C8A: variants seen among roughly 807,000 people sequenced by gnomAD.
C8A encodes the protein complement C8 alpha chain.
Under a neutral mutation model 65.3 loss-of-function variants are expected in C8A, and 67 were observed. The ratio of observed to expected loss-of-function variants is 1.03; its 90% CI spans 0.84 to 1.26. The LOEUF (loss-of-function observed/expected upper bound fraction) is 1.26. C8A is among the 50% of genes most tolerant of loss of function. The pLI is 0.00. For missense variants in C8A, 781 were observed against 723.9 expected, an observed-to-expected ratio of 1.08 and a Z score of -0.90; for synonymous variants, 290 against 259.4, an observed-to-expected ratio of 1.12 and a Z score of -1.13.
Position 56,907,984 on chromosome 1 carries a change from A to C in C8A, c.1251A>C (p.Glu417Asp). 1 of 1,614,190 alleles carries C rather than the reference A, an allele frequency of 6.2e-7. No homozygotes were observed. The highest frequency in any genetic ancestry group is 8.5e-7 in the Non-Finnish European group (1 of 1,180,010). Residue 417 changes from glutamate (E) to aspartate (D), a missense_variant, in exon 9 of 11, where the codon GAA becomes GAC. Glu to Asp is a conservative substitution (Grantham distance 45). Coordinates refer to ENST00000361249, the MANE Select transcript of C8A (RefSeq NM_000562.3). The stretch of plus-strand genomic sequence containing the variant: ...GGGCCAGGAAGGCCATGGCTGTGGA[A>C]GACATTATTTCTCGGGTGCGAGGTG... Reference protein sequence around the residue: ...TERARKAMAVEDIISRVRGGS... With the variant: ...TERARKAMAVDDIISRVRGGS...
At chr1:56,871,760 A>C (rs1644148900) in intron 2 of C8A, among the ~76,000 whole-genome samples, 1 of 152,202 alleles carries the variant, frequency 6.6e-6, no homozygotes, top group African/African-American at 2.4e-5. Context: ...ACCATTATCA[A>C]GTTGGTAGGT....
In C8A at chr1:56,883,721, A is replaced by G. The variant is rs376954793; in HGVS notation, c.855+40A>G. The G allele has an allele frequency of 1.2e-4, 178 of 1,521,740 alleles. No individual in the cohort carries two copies. In the African/African-American group the frequency reaches 2.2e-3, roughly 18 times the overall value. The allele number at this position is 1,521,740 out of a possible 1,614,324, so 94.3% of individuals were successfully genotyped here. On this transcript the variant is annotated intron_variant, in intron 6 of 10. Coordinates refer to ENST00000361249, the MANE Select transcript of C8A (RefSeq NM_000562.3). ...TGTCTGTGTCTCACAGTATTCCATA[A>G]TATACACTGAACACGTATTACCTTA...
At chr1:56,895,471 A>G (rs1157585554) in intron 7 of C8A, among the ~76,000 whole-genome samples, 1 of 152,190 alleles carries the variant, frequency 6.6e-6, no homozygotes, top group Non-Finnish European at 1.5e-5. Context: ...CTGTAATGTT[A>G]AGCAAGGTGC....
At chr1:56,867,549 T>C (rs1220239675) in intron 1 of C8A, 60 bp from the exon 2 acceptor site, 4 of 1,216,388 alleles carry the variant, frequency 3.3e-6, no homozygotes, top group Admixed American at 3.4e-5. Context: ...TGTGCACAGC[T>C]TTCTCATTTG....
intron 1 of C8A, among the ~76,000 whole-genome samples, chr1:56,866,370 A>C (rs2101197593): frequency 6.6e-6 from 1 of 152,324 alleles, no homozygotes; most frequent in African/African-American, 2.4e-5. Flanking sequence ...AATTCTGTGA[A>C]TATTGGTAGA....
At chr1:56,906,614 C>A in intron 7 of C8A, 53 bp from the exon 8 acceptor site, 1 of 1,609,030 alleles carries the variant, frequency 6.2e-7, no homozygotes, top group Non-Finnish European at 8.5e-7. Context: ...TGTACCATGT[C>A]AAGTGTCTTT....
At chr1:56,912,690 G>T in intron 10 of C8A, 65 bp downstream of exon 10, 2 of 1,470,512 alleles carry the variant, frequency 1.4e-6, no homozygotes, top group South Asian at 1.2e-5. Context: ...GTGCAAAAAG[G>T]ACTTTTGGGG....
chr1:56,915,947 G>A (rs1259149108), intron 10 of C8A, among the ~76,000 whole-genome samples: 3 of 152,210 alleles, frequency 2.0e-5, no homozygotes, highest in Non-Finnish European at 4.4e-5. Flanking sequence ...TGGCTTAAAG[G>A]AACAGATGTG....
intron 2 of C8A, among the ~76,000 whole-genome samples, chr1:56,873,621 T>A (rs1229823644): frequency 6.6e-6 from 1 of 152,182 alleles, no homozygotes; most frequent in Non-Finnish European, 1.5e-5. Context: ...ACACAGCAAG[T>A]AAGAAATTGA....
At chr1:56,897,132 G>A (rs1302684379) in intron 7 of C8A, among the ~76,000 whole-genome samples, 3 of 152,186 alleles carry the variant, frequency 2.0e-5, no homozygotes, top group Admixed American at 6.5e-5. Flanking sequence ...TGTTGTGATA[G>A]CTTTGAAAGT....
chr1:56,865,640 T>G (rs1644078396), intron 1 of C8A, among the ~76,000 whole-genome samples: 1 of 152,192 alleles, frequency 6.6e-6, no homozygotes, highest in Non-Finnish European at 1.5e-5. Flanking sequence ...ACTACCAAAC[T>G]ATGGTTATTT....
At chr1:56,891,111 A>G (rs1467403107) in intron 7 of C8A, among the ~76,000 whole-genome samples, 1 of 152,140 alleles carries the variant, frequency 6.6e-6, no homozygotes, top group Non-Finnish European at 1.5e-5. Flanking sequence ...GGGGTGAGGG[A>G]AGATATTCAC....
intron 1 of C8A, among the ~76,000 whole-genome samples, chr1:56,866,788 C>G (rs923504754): frequency 3.3e-5 from 5 of 152,144 alleles, no homozygotes; most frequent in Admixed American, 3.3e-4. Context: ...CCTGAGTAGG[C>G]ATTTTAATTG....
rs1644264810 is a variant in C8A, at chr1:56,883,565, T to C, written c.739T>C (p.Ser247Pro). 6.2e-7 allele frequency: 1 copy of C among 1,613,978 alleles called. No individual in the cohort carries two copies. The highest frequency in any genetic ancestry group is 1.7e-4 in the Middle Eastern group (1 of 6,060). The change falls in exon 6 of 11, where the codon TCA becomes CCA. Residue 247 changes from serine to proline, a missense_variant. Coordinates refer to ENST00000361249, the MANE Select transcript of C8A (RefSeq NM_000562.3). ...LSKVKKDKSD[S>P]FGVTIGIGPA... ...CAAAGTTAAAAAAGACAAGTCTGAC[T>C]CATTTGGAGTGACCATCGGCATAGG...
intron 7 of C8A, among the ~76,000 whole-genome samples, chr1:56,893,841 C>T (rs1644367437): frequency 6.6e-6 from 1 of 152,126 alleles, no homozygotes; most frequent in African/African-American, 2.4e-5. Context: ...TTGCCTGATT[C>T]AAGTCCTATC....
Position 56,888,516 on chromosome 1 carries a change from GAAC to G in C8A, c.1096+2358_1096+2360del, listed in dbSNP as rs1301857005. The stretch of plus-strand genomic sequence containing the variant: ...GTATATGGATCACAAGAAAAATTTT[GAAC>G]AACAACAAAGGACAGAATAGAAAAT... On this transcript the variant is annotated intron_variant, in intron 7 of 10. Transcript: ENST00000361249. 1.1e-4 allele frequency among the ~76,000 whole-genome samples: 16 copies of G among 152,090 alleles called. No individual in the cohort carries two copies. In the East Asian group the frequency reaches 2.9e-3, roughly 28 times the overall value.
At chr1:56,891,990 G>A (rs1374673327) in intron 7 of C8A, among the ~76,000 whole-genome samples, 1 of 152,072 alleles carries the variant, frequency 6.6e-6, no homozygotes, top group Non-Finnish European at 1.5e-5. Flanking sequence ...GCACAAGGCT[G>A]GGCCCACAGT....
chr1:56,894,056 A>T (rs7547015), intron 7 of C8A, among the ~76,000 whole-genome samples: 2,714 of 152,228 alleles, frequency 0.018, 74 homozygotes, highest in South Asian at 0.12. Context: ...TGTACAGTGT[A>T]GGTGTTATTA....
intron 7 of C8A, among the ~76,000 whole-genome samples, chr1:56,891,998 A>G (rs916389596): frequency 2.0e-5 from 3 of 152,136 alleles, no homozygotes; most frequent in Admixed American, 1.3e-4. Flanking sequence ...CTGGGCCCAC[A>G]GTAGATGCAC....
Sources: gnomAD v4.1 joint callset for allele counts (sites outside exome capture counted in the v4.1 genomes callset) on GRCh38, gnomAD v4.1.1 for gene constraint, MANE v1.5 for transcripts, NCBI Gene and HGNC (gene_info 2026-07-23, HGNC 2026-07-21) for gene names.